Variants in DNAH10 observed in about 807,000 individuals in gnomAD.
DNAH10 encodes the protein dynein axonemal heavy chain 10, also known as axonemal beta dynein heavy chain 10.
A neutral mutation model predicts 506.6 loss-of-function variants in DNAH10; 348 were observed. The observed-to-expected ratio is 0.69, with a 90% CI of 0.63 to 0.75. The LOEUF is 0.75. Among genes scored for constraint, DNAH10 ranks in the 30% least tolerant of loss-of-function variants. DNAH10 has a pLI of 0.00. For synonymous variants in DNAH10, 2,059 were observed against 2,198.6 expected (o/e 0.94, Z 1.78); for missense variants, 5,179 against 5,787.1 (o/e 0.89, Z 3.41).
At position 123,879,770 on chromosome 12, in the gene DNAH10, A is replaced by G. The variant is rs2137049649; in HGVS notation, c.8603A>G (p.Gln2868Arg). The change falls in exon 50 of 79, where the codon CAG becomes CGG. Residue 2868 changes from glutamine (Q) to arginine (R), a missense_variant. Around this residue, in one of 3 missense-constraint regions of DNAH10, gnomAD observed 4,844 missense variants for 5,430.5 expected, o/e 0.89. Coordinates refer to ENST00000673944, the MANE Select transcript of DNAH10 (RefSeq NM_001372106.1). ...EGEPRIYEDI[Q>R]DYEAAKALFQ... The stretch of plus-strand genomic sequence containing the variant: ...GAACCACGCATTTATGAAGACATCC[A>G]GGACTACGAGGCGGCCAAGGCTCTG... 6.2e-7 allele frequency: 1 copy of G among 1,614,052 alleles called. No homozygotes were observed. Among genetic ancestry groups the G allele is most frequent in the African/African-American group, 1.3e-5 (1 of 75,068 alleles).
intron 55 of DNAH10, 55 bp downstream of exon 55, chr12:123,898,022 A>C: frequency 6.9e-7 from 1 of 1,454,598 alleles, no homozygotes; most frequent in Non-Finnish European, 9.1e-7. Context: ...ATGGGTAAGG[A>C]TTCGAGCGCT....
Position 123,830,854 on chromosome 12 carries a change from GATCA to G in DNAH10, c.4545+156_4545+159del, listed in dbSNP as rs1960473300. ...GCTTCTTGGGAGGCTGAGGTGGGAG[GATCA>G]CTTGAACCTGGAAGGTGGAGGCTGC... On this transcript the variant is annotated intron_variant, in intron 26 of 78. Coordinates refer to ENST00000673944, the MANE Select transcript of DNAH10 (RefSeq NM_001372106.1). Among the ~76,000 whole-genome samples, 3 of 152,134 alleles carry G rather than the reference GATCA, an allele frequency of 2.0e-5. No individual in the cohort carries two copies. The South Asian group carries it at 6.2e-4, about 32-fold the overall frequency.
chr12:123,921,588 G>A (rs1001147880), intron 65 of DNAH10, among the ~76,000 whole-genome samples: 1 of 149,904 alleles, frequency 6.7e-6, no homozygotes, highest in Non-Finnish European at 1.5e-5. Flanking sequence ...CTTTTGATGT[G>A]TTCTGTGGTT....
rs766784547 is a variant in DNAH10 at position 123,928,508 on chromosome 12, C to A, written c.12227C>A (p.Pro4076His). ...AAGTCCCTGGAGAGGATCACCAAGC[C>A]CCACCCAGACTTCCGCCTGTGGCTC... is the stretch of plus-strand genomic sequence containing the variant. Reference protein sequence around the residue: ...LEKSLERITKPHPDFRLWLTT... With the variant: ...LEKSLERITKHHPDFRLWLTT... Residue 4076 changes from proline (P) to histidine (H), a missense_variant, in exon 70 of 79, where the codon CCC (proline) becomes CAC (histidine). This residue lies in a region of DNAH10 where 4,844 missense variants were observed against 5,430.5 expected (regional missense o/e 0.89). Transcript: ENST00000673944. The surrounding 1 kb of genome is among the most constrained non-coding windows in gnomAD (Gnocchi z 4.9). The A allele has an allele frequency of 6.2e-7, 1 of 1,611,520 alleles. No homozygotes were observed. Among genetic ancestry groups the A allele is most frequent in the South Asian group, 1.1e-5 (1 of 90,424 alleles).
At chr12:123,767,952 C>T (rs1337896870) in intron 2 of DNAH10, among the ~76,000 whole-genome samples, 1 of 152,166 alleles carries the variant, frequency 6.6e-6, no homozygotes, top group East Asian at 1.9e-4. Flanking sequence ...AAGGTGCTGG[C>T]AGGGCTGCGC....
chr12:123,882,004 C>A, intron 51 of DNAH10, 191 bp downstream of exon 51: 1 of 459,846 alleles, frequency 2.2e-6, no homozygotes, highest in Non-Finnish European at 3.6e-6. Context: ...ACTGAATAGC[C>A]AGAGCATCTA....
intron 51 of DNAH10, among the ~76,000 whole-genome samples, chr12:123,883,979 C>T (rs1226258112): frequency 6.6e-6 from 1 of 152,172 alleles, no homozygotes; most frequent in African/African-American, 2.4e-5. Context: ...AGAGAAGACA[C>T]TTCTTGCAGA....
intron 41 of DNAH10, among the ~76,000 whole-genome samples, chr12:123,866,690 A>G (rs112768436): frequency 2.0e-5 from 3 of 152,224 alleles, no homozygotes; most frequent in African/African-American, 7.2e-5. Context: ...GATTTCTTTC[A>G]CAGCTACTCA....
At chr12:123,776,405 C>T (rs762185849) in intron 5 of DNAH10, among the ~76,000 whole-genome samples, 18 of 150,944 alleles carry the variant, frequency 1.2e-4, no homozygotes, top group Admixed American at 1.3e-4. Context: ...ACAGCCTGGG[C>T]GATATAGCAA....
At position 123,846,113 on chromosome 12, in the gene DNAH10, A is replaced by G. The variant is rs1302224229; in HGVS notation, c.5773A>G (p.Ile1925Val). ...CATGGGCCTGAACGGCAGGCTGGTC[A>G]TCACGCCCCTCACCGATCGGATTTA... Reference protein sequence around the residue: ...EYMGLNGRLVITPLTDRIYLT... With the variant: ...EYMGLNGRLVVTPLTDRIYLT... Residue 1925 changes from isoleucine to valine, a missense_variant, in exon 32 of 79, where the codon ATC (isoleucine) becomes GTC (valine). By Grantham distance (29) the Ile-to-Val change is conservative (BLOSUM62 3). Coordinates refer to ENST00000673944, the MANE Select transcript of DNAH10 (RefSeq NM_001372106.1). This position sits in a 1 kb window ranked among gnomAD's most constrained non-coding sequence, Gnocchi z 4.5. 10 of 1,613,904 alleles carry G rather than the reference A, an allele frequency of 6.2e-6. No individual in the cohort carries two copies. Among genetic ancestry groups the G allele is most frequent in the East Asian group, 2.2e-5 (1 of 44,882 alleles).
At chr12:123,870,275 A>G in intron 43 of DNAH10, 91 bp from the exon 44 acceptor site, 1 of 1,515,778 alleles carries the variant, frequency 6.6e-7, no homozygotes, top group East Asian at 2.4e-5. Context: ...GTGCAGTACA[A>G]GCAACATTAG....
At chr12:123,836,858 C>CTT (rs879460188) in intron 28 of DNAH10, among the ~76,000 whole-genome samples, 1 of 144,726 alleles carries the variant, frequency 6.9e-6, no homozygotes. Context: ...GTCTCTCTCT[C>CTT]TTTTTTTTTT....
Position 123,935,528 on chromosome 12 carries a change from T to TCAGG in DNAH10, c.*50_*51insGCAG, listed in dbSNP as rs140558466. ...TTAATGAATTCGGAGCCTGGGGTTG[T>TCAGG]CAGAGTGATCGGGTCTGCTGTCATT... On this transcript the variant is annotated 3_prime_UTR_variant, in exon 79 of 79. Coordinates refer to ENST00000673944, the MANE Select transcript of DNAH10 (RefSeq NM_001372106.1). The TCAGG allele has an allele frequency of 1.4e-5, 21 of 1,481,386 alleles. No homozygotes were observed. The highest frequency in any genetic ancestry group is 3.6e-5 in the Admixed American group (2 of 55,960). 91.8% of individuals were successfully genotyped at this position (1,481,386 alleles called of 1,614,324 possible). A position where few individuals can be genotyped will look rare whatever the true frequency, so the allele number is the denominator to read the frequency against.
chr12:123,888,477 A>G (rs1352244884), intron 52 of DNAH10, among the ~76,000 whole-genome samples: 4 of 152,214 alleles, frequency 2.6e-5, no homozygotes, highest in Non-Finnish European at 5.9e-5. Context: ...TGTCCTTATA[A>G]GAGAAGGCAG....
intron 25 of DNAH10, among the ~76,000 whole-genome samples, chr12:123,827,332 C>G (rs1960094246): frequency 6.6e-6 from 1 of 152,198 alleles, no homozygotes; most frequent in Non-Finnish European, 1.5e-5. Flanking sequence ...ATTATTTCAA[C>G]ATGTAATCAA....
At position 123,918,742 on chromosome 12, in the gene DNAH10, C is replaced by T. The variant is rs200977125; in HGVS notation, c.11299C>T (p.Arg3767Trp). The T allele has an allele frequency of 5.1e-5, 82 of 1,604,356 alleles. No homozygotes were observed. Among genetic ancestry groups the T allele is most frequent in the East Asian group, 3.8e-4 (17 of 44,636 alleles). The change falls in exon 65 of 79, where the codon CGG becomes TGG. Residue 3767 changes from arginine to tryptophan, a missense_variant. Transcript: ENST00000673944. ...CATCGACAGGCTGCGGGATGGCTAC[C>T]GGCCAGCAGCCAGGAGGGGGGCCAT... is the stretch of plus-strand genomic sequence containing the variant. ...LDIDRLRDGY[R>W]PAARRGAILF...
chr12:123,926,831 G>T lies in DNAH10; in HGVS notation c.12105+11G>T. ...CAAGGTCAAGAAAAGGTAATTTGTG[G>T]CTGAAAGGAACAAGCTCTACGTTTA... On this transcript the variant is annotated intron_variant, in intron 69 of 78. Transcript: ENST00000673944. The surrounding 1 kb of genome is among the most constrained non-coding windows in gnomAD (Gnocchi z 4.1). 6.2e-7 allele frequency: 1 copy of T among 1,613,332 alleles called. No homozygotes were observed.
At position 123,787,694 on chromosome 12, in the gene DNAH10, G is replaced by A. The variant is rs572265702; in HGVS notation, c.1422-110G>A. 1.0e-5 allele frequency: 14 copies of A among 1,349,722 alleles called. No homozygotes were observed. Among genetic ancestry groups the A allele is most frequent in the South Asian group, 3.9e-5 (3 of 77,160 alleles). The allele number at this position is 1,349,722 out of a possible 1,614,324, so 83.6% of individuals were successfully genotyped here. A position where few individuals can be genotyped will look rare whatever the true frequency, so the allele number is the denominator to read the frequency against. On this transcript the variant is annotated intron_variant, in intron 9 of 78. Transcript: ENST00000673944. This position sits in a 1 kb window ranked among gnomAD's most constrained non-coding sequence, Gnocchi z 4.6. The stretch of plus-strand genomic sequence containing the variant: ...TTTTCCGATGAGGCCGTGAAACCAG[G>A]GGGGGCGCCCGGGTCAGAGCTTCAC...
chr12:123,839,090 T>A (rs1950674323), intron 29 of DNAH10, among the ~76,000 whole-genome samples: 1 of 152,076 alleles, frequency 6.6e-6, no homozygotes, highest in African/African-American at 2.4e-5. Flanking sequence ...GGATTACAGG[T>A]GTGAGCCACC....
Sources: allele counts gnomAD v4.1 joint callset (sites outside exome capture counted in the v4.1 genomes callset), GRCh38; gene constraint gnomAD v4.1.1; regional missense constraint gnomAD v4.1.1; non-coding constraint Gnocchi (gnomAD v3.1); transcripts MANE v1.5; gene names NCBI Gene and HGNC (gene_info 2026-07-23, HGNC 2026-07-21).